ENPP4: variants seen among roughly 807,000 people sequenced by gnomAD.
ENPP4 encodes the protein ectonucleotide pyrophosphatase/phosphodiesterase 4.
A neutral mutation model predicts 33.4 loss-of-function variants in ENPP4; 18 were observed. That is an observed-to-expected ratio of 0.54 (90% CI 0.37 to 0.80). The LOEUF (loss-of-function observed/expected upper bound fraction) is 0.80. Ranked by LOEUF, ENPP4 falls within the 30% of genes least tolerant of loss-of-function variation. The pLI, the probability that ENPP4 is intolerant of heterozygous loss-of-function variation, is 0.00. For synonymous variants in ENPP4, 172 were observed against 189.9 expected (o/e 0.91, Z 0.78); for missense variants, 480 against 541.7 (o/e 0.89, Z 1.13).
chr6:46,144,965 C>T lies in ENPP4; in HGVS notation c.*1325C>T. On this transcript the variant is annotated 3_prime_UTR_variant, in exon 4 of 4. Transcript: ENST00000321037. ...GTCATCCTGCCTTTGCTAGCTGGTA[C>T]CTTCTAGTAATCAAAATTAATATGA... 2.5e-6 allele frequency: 1 copy of T among 396,352 alleles called. No homozygotes were observed. The allele number at this position is 396,352 out of a possible 1,614,324, so 24.6% of individuals were successfully genotyped here.
chr6:46,137,593 T>A (rs75398435), intron 1 of ENPP4, among the ~76,000 whole-genome samples: 8,090 of 151,958 alleles, frequency 0.053, 214 homozygotes, highest in African/African-American at 0.062. Context: ...AGATTCTTGA[T>A]AGCTGAAATT....
chr6:46,130,524 G>C (rs551141470), intron 1 of ENPP4, among the ~76,000 whole-genome samples: 1 of 152,346 alleles, frequency 6.6e-6, no homozygotes, highest in East Asian at 1.9e-4. Context: ...ATTGAGGGGA[G>C]CTGGGGCGGG....
intron 3 of ENPP4, among the ~76,000 whole-genome samples, chr6:46,141,595 C>T (rs1764063065): frequency 6.6e-6 from 1 of 151,560 alleles, no homozygotes; most frequent in Non-Finnish European, 1.5e-5. Context: ...CTGAGTAACC[C>T]TAAGTCTTCC....
intron 1 of ENPP4, among the ~76,000 whole-genome samples, chr6:46,134,055 C>T (rs1011337176): frequency 5.3e-5 from 8 of 152,112 alleles, no homozygotes; most frequent in Non-Finnish European, 1.0e-4. Flanking sequence ...TATGCAAGGT[C>T]ATCATATGCG....
intron 1 of ENPP4, among the ~76,000 whole-genome samples, 195 bp downstream of exon 1, chr6:46,130,384 G>C (rs1763874941): frequency 6.6e-6 from 1 of 152,240 alleles, no homozygotes; most frequent in African/African-American, 2.4e-5. Flanking sequence ...GCGGGCCGAG[G>C]CGGAGGCCAG....
Position 46,146,453 on chromosome 6 carries a change from A to G in ENPP4, c.*2813A>G, listed in dbSNP as rs1440288073. On this transcript the variant is annotated 3_prime_UTR_variant, in exon 4 of 4. Coordinates refer to ENST00000321037, the MANE Select transcript of ENPP4 (RefSeq NM_014936.5). ...TACTTCCTTGTTAACATATAAAGTT[A>G]TAAATGAAGGACAAGGAGGAGATGG... is the stretch of plus-strand genomic sequence containing the variant. 1 of 152,370 alleles carries G rather than the reference A, an allele frequency of 6.6e-6. No individual in the cohort carries two copies. Among genetic ancestry groups the G allele is most frequent in the Non-Finnish European group, 1.5e-5 (1 of 67,868 alleles). 9.4% of individuals were successfully genotyped at this position (152,370 alleles called of 1,614,324 possible). A position where few individuals can be genotyped will look rare whatever the true frequency, so the allele number is the denominator to read the frequency against.
intron 1 of ENPP4, among the ~76,000 whole-genome samples, chr6:46,132,950 TTGTC>T (rs1344480919): frequency 6.6e-6 from 1 of 151,896 alleles, no homozygotes; most frequent in Non-Finnish European, 1.5e-5. Flanking sequence ...ATTTGGCTGT[TTGTC>T]TGTTGTTGAT....
chr6:46,138,696 G>A (rs1222231036), intron 1 of ENPP4, among the ~76,000 whole-genome samples: 1 of 151,772 alleles, frequency 6.6e-6, no homozygotes, highest in Non-Finnish European at 1.5e-5. Context: ...TCACTCACAT[G>A]TCCTATTTTC....
intron 1 of ENPP4, among the ~76,000 whole-genome samples, chr6:46,133,548 C>T (rs566750610): frequency 6.6e-6 from 1 of 152,132 alleles, no homozygotes; most frequent in Non-Finnish European, 1.5e-5. Context: ...CAGGGAAGAA[C>T]GTCTTCCCAG....
chr6:46,133,125 A>C (rs1258284043), intron 1 of ENPP4, among the ~76,000 whole-genome samples: 1 of 149,898 alleles, frequency 6.7e-6, no homozygotes, highest in African/African-American at 2.4e-5. Flanking sequence ...ATTTGGAAGA[A>C]ATTTTGATGA....
rs984359797 is a variant in ENPP4 at position 46,140,164 on chromosome 6, A to G, written c.581A>G (p.Lys194Arg). The G allele has an allele frequency of 2.5e-6, 4 of 1,612,694 alleles. No homozygotes were observed. Among genetic ancestry groups the G allele is most frequent in the Admixed American group, 3.3e-5 (2 of 59,856 alleles). Residue 194 changes from lysine to arginine, a missense_variant, in exon 2 of 4, where the codon AAA becomes AGA. Physicochemically the swap from Lys to Arg is conservative, Grantham distance 26 (BLOSUM62 2). Around this residue, in one of 3 missense-constraint regions of ENPP4, gnomAD observed 227 missense variants for 273.7 expected, o/e 0.83. Coordinates refer to ENST00000321037, the MANE Select transcript of ENPP4 (RefSeq NM_014936.5). Reference protein sequence around the residue: ...YWEEPDASGHKYGPEDKENMS... With the variant: ...YWEEPDASGHRYGPEDKENMS... Reference sequence around the variant, plus strand: ...GAAGAACCAGATGCAAGTGGCCACAAATACGGACCTGAAGATAAAGAAAAC... The same window carrying G: ...GAAGAACCAGATGCAAGTGGCCACAGATACGGACCTGAAGATAAAGAAAAC...
In ENPP4 at chr6:46,143,351, A is replaced by G; in HGVS notation, c.1073A>G (p.Lys358Arg). The part of the protein sequence containing the change: ...FLAAHGPAFH[K>R]GYKHSTINIV... ...GCTGCCCACGGACCTGCATTTCACAAAGGCTACAAGCATAGCACAATTAAC... is the reference window on the plus strand; with the variant it reads ...GCTGCCCACGGACCTGCATTTCACAGAGGCTACAAGCATAGCACAATTAAC... Residue 358 changes from lysine to arginine, a missense_variant, in exon 4 of 4, where the codon AAA (lysine) becomes AGA (arginine). Physicochemically the swap from Lys to Arg is conservative, Grantham distance 26 (BLOSUM62 2). Coordinates refer to ENST00000321037, the MANE Select transcript of ENPP4 (RefSeq NM_014936.5). 1 of 1,611,368 alleles carries G rather than the reference A, an allele frequency of 6.2e-7. No individual in the cohort carries two copies. The highest frequency in any genetic ancestry group is 8.5e-7 in the Non-Finnish European group (1 of 1,178,020).
Position 46,141,088 on chromosome 6 carries a change from G to GCCCTCA in ENPP4, c.864_869dup (p.Pro289_His290dup), listed in dbSNP as rs759973913. ...GTTTATAACAAACTGAAAAACTGTA[G>GCCCTCA]CCCTCATATGAATGTTTATCTCAAA... is the stretch of plus-strand genomic sequence containing the variant. On this transcript the variant is annotated inframe_insertion, in exon 3 of 4. Coordinates refer to ENST00000321037, the MANE Select transcript of ENPP4 (RefSeq NM_014936.5). 1.4e-5 allele frequency: 22 copies of GCCCTCA among 1,605,402 alleles called. No homozygotes were observed. The highest frequency in any genetic ancestry group is 1.7e-5 in the Non-Finnish European group (20 of 1,174,574).
rs768819525 is a variant in ENPP4 at position 46,141,206 on chromosome 6, T to C, written c.981T>C (p.Asn327=). The change falls in exon 3 of 4, where the codon AAT becomes AAC. Residue 327 remains asparagine (N), a synonymous_variant. Transcript: ENST00000321037. ...ATGAAGGCTGGACAATTGTGCTAAATGAATCATCACAAAAATGTAAGTATT... is the reference window on the plus strand; with the variant it reads ...ATGAAGGCTGGACAATTGTGCTAAACGAATCATCACAAAAATGTAAGTATT... ...VADEGWTIVL[N]ESSQKLGDHG... is the part of the protein sequence containing the mutation. 3 of 1,607,448 alleles carry C rather than the reference T, an allele frequency of 1.9e-6. No homozygotes were observed. Among genetic ancestry groups the C allele is most frequent in the Non-Finnish European group, 2.6e-6 (3 of 1,175,884 alleles).
intron 1 of ENPP4, among the ~76,000 whole-genome samples, chr6:46,139,185 A>C (rs142252772): frequency 3.3e-5 from 5 of 151,902 alleles, no homozygotes; most frequent in Middle Eastern, 3.4e-3. Context: ...AGCCTCTGAA[A>C]GCTTGGCATT....
At chr6:46,139,441 G>A in intron 1 of ENPP4, 110 bp from the exon 2 acceptor site, 1 of 580,990 alleles carries the variant, frequency 1.7e-6, no homozygotes, top group South Asian at 2.1e-5. Context: ...AGTTAATATA[G>A]GTAAAGCTGG....
At chr6:46,139,452 C>G in intron 1 of ENPP4, 99 bp from the exon 2 acceptor site, 1 of 588,496 alleles carries the variant, frequency 1.7e-6, no homozygotes, top group Non-Finnish European at 3.0e-6. Flanking sequence ...GTAAAGCTGG[C>G]ATATAAATGT....
chr6:46,138,453 T>G (rs1764007331), intron 1 of ENPP4, among the ~76,000 whole-genome samples: 2 of 151,890 alleles, frequency 1.3e-5, no homozygotes, highest in Admixed American at 6.6e-5. Context: ...TGACTCCAGT[T>G]CTACTGTTTA....
Position 46,139,716 on chromosome 6 carries a change from G to A in ENPP4, c.133G>A (p.Glu45Lys), listed in dbSNP as rs1764027116. Residue 45 changes from glutamate (E) to lysine (K), a missense_variant, in exon 2 of 4, where the codon GAA becomes AAA. Physicochemically the swap from Glu to Lys is moderately conservative, Grantham distance 56. Transcript: ENST00000321037. ...CAGAGCTGATTATCTGAAGAACTATGAATTTCCTCATCTCCAGAATTTTAT... is the reference window on the plus strand; with the variant it reads ...CAGAGCTGATTATCTGAAGAACTATAAATTTCCTCATCTCCAGAATTTTAT... The part of the protein sequence containing the change: ...GFRADYLKNY[E>K]FPHLQNFIKE... 1 of 1,611,154 alleles carries A rather than the reference G, an allele frequency of 6.2e-7. No homozygotes were observed. Among genetic ancestry groups the A allele is most frequent in the Non-Finnish European group, 8.5e-7 (1 of 1,178,026 alleles).
Sources: allele counts gnomAD v4.1 joint callset (sites outside exome capture counted in the v4.1 genomes callset), GRCh38; gene constraint gnomAD v4.1.1; regional missense constraint gnomAD v4.1.1; transcripts MANE v1.5; gene names NCBI Gene and HGNC (gene_info 2026-07-23, HGNC 2026-07-21).